Variants in GLB1L3 observed in about 807,000 individuals in gnomAD.
GLB1L3 encodes the protein galactosidase beta 1 like 3, also known as beta-galactosidase-1-like protein 3.
In GLB1L3, 89 loss-of-function variants were observed where a neutral mutation model predicts 89.5. The ratio of observed to expected loss-of-function variants is 0.99; its 90% CI spans 0.84 to 1.19. The LOEUF is 1.19. Ranked by LOEUF, GLB1L3 falls within the 50% of genes most tolerant of loss-of-function variation. The pLI is 0.00. For missense variants in GLB1L3, 812 were observed against 813.3 expected (o/e 1.00, Z 0.02); for synonymous variants, 314 against 312.3 (o/e 1.01, Z -0.06).
chr11:134,324,621 G>A, the GLB1L3 span, among the ~76,000 whole-genome samples: 1 of 152,138 alleles, frequency 6.6e-6, no homozygotes, highest in Non-Finnish European at 1.5e-5. Flanking sequence ...TGTCTGAGCT[G>A]AAAATGATTT....
chr11:134,301,454 C>T (rs770773664), intron 9 of GLB1L3, among the ~76,000 whole-genome samples: 34 of 151,944 alleles, frequency 2.2e-4, no homozygotes, highest in Admixed American at 9.2e-4. Context: ...TTTTAATGGC[C>T]GTATCATTTG....
chr11:134,278,566 T>G (rs1308447239), intron 3 of GLB1L3, among the ~76,000 whole-genome samples: 5 of 152,184 alleles, frequency 3.3e-5, no homozygotes, highest in African/African-American at 1.2e-4. Flanking sequence ...TCCTCATGCC[T>G]GTATACAACT....
chr11:134,311,131 G>A lies in GLB1L3; in HGVS notation c.1248G>A (p.Leu416=), dbSNP rs1178006490. ...KAVYPPVRPS[L]YLPLWDALSY... ...TGTATCCCCCCGTGAGACCGTCGCT[G>A]TACCTCCCGCTGTGGGACGCCCTAT... The change falls in exon 13 of 20, where the codon CTG becomes CTA. Residue 416 remains leucine (L), a synonymous_variant. Transcript: ENST00000431683. 4 of 1,613,886 alleles carry A rather than the reference G, an allele frequency of 2.5e-6. No homozygotes were observed. The highest frequency in any genetic ancestry group is 1.1e-5 in the South Asian group (1 of 91,068).
At chr11:134,283,013 G>C (rs1266672326) in intron 5 of GLB1L3, among the ~76,000 whole-genome samples, 2 of 152,148 alleles carry the variant, frequency 1.3e-5, no homozygotes, top group African/African-American at 4.8e-5. Flanking sequence ...TGAAGCCTTA[G>C]CCCTTAGTGG....
chr11:134,298,738 G>A (rs559838735), intron 9 of GLB1L3, among the ~76,000 whole-genome samples: 17 of 152,252 alleles, frequency 1.1e-4, no homozygotes, highest in Admixed American at 2.6e-4. Context: ...CCCCAGCTAT[G>A]TGGAACTGTA....
At chr11:134,309,538 T>G in intron 10 of GLB1L3, 88 bp from the exon 11 acceptor site, 1 of 914,778 alleles carries the variant, frequency 1.1e-6, no homozygotes, top group Non-Finnish European at 1.6e-6. Context: ...GATTGTGGAG[T>G]GGGGTTGGAA....
intron 10 of GLB1L3, among the ~76,000 whole-genome samples, chr11:134,308,503 C>T (rs1329098166): frequency 1.0e-3 from 14 of 13,544 alleles, no homozygotes; most frequent in South Asian, 3.0e-3. Context: ...CACCAAATAC[C>T]ACCACCACCA....
chr11:134,298,475 G>A (rs1941772572), intron 9 of GLB1L3, among the ~76,000 whole-genome samples: 1 of 152,100 alleles, frequency 6.6e-6, no homozygotes, highest in African/African-American at 2.4e-5. Flanking sequence ...TACTGATATG[G>A]TTTGGCTGTG....
intron 9 of GLB1L3, among the ~76,000 whole-genome samples, chr11:134,302,299 G>A (rs1245395863): frequency 6.6e-6 from 1 of 151,474 alleles, no homozygotes; most frequent in Non-Finnish European, 1.5e-5. Flanking sequence ...CAGGATATTG[G>A]CATGTTTTAA....
intron 12 of GLB1L3, 139 bp downstream of exon 12, chr11:134,310,790 C>G: frequency 1.5e-6 from 1 of 670,162 alleles, no homozygotes; most frequent in South Asian, 1.9e-5. Context: ...ACCTTAACTT[C>G]GAACCCTGGG....
intron 9 of GLB1L3, among the ~76,000 whole-genome samples, chr11:134,306,109 A>G (rs1384396375): frequency 6.6e-6 from 1 of 152,176 alleles, no homozygotes; most frequent in African/African-American, 2.4e-5. Context: ...TGTACCTCAA[A>G]TAGTAAGCAC....
intron 17 of GLB1L3, 54 bp from the exon 18 acceptor site, chr11:134,314,276 G>C: frequency 7.7e-7 from 1 of 1,292,336 alleles, no homozygotes; most frequent in East Asian, 2.5e-5. Context: ...TGGGTACTGG[G>C]AACTGGGTTG....
At chr11:134,286,882 T>C in intron 6 of GLB1L3, among the ~76,000 whole-genome samples, 1 of 151,264 alleles carries the variant, frequency 6.6e-6, no homozygotes, top group Non-Finnish European at 1.5e-5. Context: ...ATGTCCAGGC[T>C]GGGAGCTGTG....
downstream of GLB1L3, among the ~76,000 whole-genome samples, chr11:134,321,005 A>G (rs1049282488): frequency 6.6e-6 from 1 of 152,228 alleles, no homozygotes; most frequent in East Asian, 1.9e-4. Context: ...AGAAATTTCT[A>G]AAAGATATGC....
intron 10 of GLB1L3, among the ~76,000 whole-genome samples, chr11:134,308,243 AT>A: frequency 4.8e-5 from 2 of 41,574 alleles, no homozygotes; most frequent in African/African-American, 2.7e-4. Context: ...CACCATCACC[AT>A]CACCACCATC....
intron 6 of GLB1L3, among the ~76,000 whole-genome samples, chr11:134,288,368 A>G (rs1239092758): frequency 6.6e-6 from 1 of 152,150 alleles, no homozygotes; most frequent in Non-Finnish European, 1.5e-5. Context: ...TTGCAAAGGA[A>G]GGTCAAAGGC....
intron 3 of GLB1L3, among the ~76,000 whole-genome samples, chr11:134,280,383 A>G (rs1240849354): frequency 6.6e-6 from 1 of 152,146 alleles, no homozygotes; most frequent in Non-Finnish European, 1.5e-5. Flanking sequence ...ACTTAGTTGT[A>G]CAGATGCGCT....
rs765711108 is a variant in GLB1L3, at chr11:134,311,130, T to C, written c.1247T>C (p.Leu416Pro). The change falls in exon 13 of 20, where the codon CTG becomes CCG. Residue 416 changes from leucine to proline, a missense_variant. Leu to Pro is a moderately conservative substitution (Grantham distance 98, BLOSUM62 -3). This residue lies in a region of GLB1L3 where 618 missense variants were observed against 604.0 expected (regional missense o/e 1.02). Coordinates refer to ENST00000431683, the MANE Select transcript of GLB1L3 (RefSeq NM_001080407.3). ...GTGTATCCCCCCGTGAGACCGTCGCTGTACCTCCCGCTGTGGGACGCCCTA... is the reference window on the plus strand; with the variant it reads ...GTGTATCCCCCCGTGAGACCGTCGCCGTACCTCCCGCTGTGGGACGCCCTA... ...KAVYPPVRPS[L>P]YLPLWDALSY... 1.9e-6 allele frequency: 3 copies of C among 1,613,914 alleles called. No individual in the cohort carries two copies. The highest frequency in any genetic ancestry group is 1.3e-5 in the African/African-American group (1 of 75,044).
chr11:134,313,623 C>A, intron 16 of GLB1L3, 149 bp downstream of exon 16: 1 of 718,820 alleles, frequency 1.4e-6, no homozygotes, highest in Admixed American at 2.2e-5. Flanking sequence ...ATCGGCCCCT[C>A]GCCCTTGTCT....
Sources: gnomAD v4.1 joint callset for allele counts (sites outside exome capture counted in the v4.1 genomes callset) on GRCh38, gnomAD v4.1.1 for gene constraint, gnomAD v4.1.1 regional missense constraint, MANE v1.5 for transcripts, NCBI Gene and HGNC (gene_info 2026-07-23, HGNC 2026-07-21) for gene names.